The following STXBP5 variants were observed in gnomAD, a reference collection of about 807,000 sequenced individuals.
STXBP5 encodes the protein syntaxin binding protein 5.
STXBP5 carries 50 observed loss-of-function variants against 152.4 expected under a neutral mutation model. The observed-to-expected ratio is 0.33, with a 90% confidence interval of 0.26 to 0.42. STXBP5 has a LOEUF of 0.42. STXBP5 is among the 10% of genes least tolerant of loss of function. The probability of loss-of-function intolerance (pLI) is 1.00; values close to 1 mark genes in which losing one functional copy is unlikely to be tolerated. For synonymous variants in STXBP5, 492 were observed against 494.7 expected, an observed-to-expected ratio of 0.99 and a Z score of 0.07; for missense variants, 1,167 against 1,388.6, an observed-to-expected ratio of 0.84 and a Z score of 2.54.
At chr6:147,227,952 G>A (rs1044859837) in intron 2 of STXBP5, among the ~76,000 whole-genome samples, 6 of 152,062 alleles carry the variant, frequency 3.9e-5, no homozygotes, top group African/African-American at 1.2e-4. Flanking sequence ...AATGCCTCAG[G>A]CTTCTCAAGG....
intron 2 of STXBP5, among the ~76,000 whole-genome samples, chr6:147,225,276 CTTA>C (rs1308209392): frequency 1.3e-5 from 2 of 152,078 alleles, no homozygotes; most frequent in Non-Finnish European, 2.9e-5. Context: ...TATAGGATAA[CTTA>C]TTGTCATTTC....
intron 4 of STXBP5, among the ~76,000 whole-genome samples, chr6:147,241,182 A>G (rs941842782): frequency 1.3e-5 from 2 of 152,180 alleles, no homozygotes; most frequent in South Asian, 2.1e-4. Context: ...CATATACCTC[A>G]TATACCACCC....
intron 2 of STXBP5, among the ~76,000 whole-genome samples, chr6:147,216,349 G>A (rs1384715069): frequency 6.6e-6 from 1 of 152,044 alleles, no homozygotes; most frequent in African/African-American, 2.4e-5. Context: ...CTGAGACTGC[G>A]CCACTGCACT....
chr6:147,262,483 A>C lies in STXBP5; in HGVS notation c.630+130A>C, dbSNP rs1582859990. The C allele has an allele frequency of 6.4e-6, 3 of 470,668 alleles. No homozygotes were observed. The Admixed American group carries it at 1.2e-4, about 19-fold the overall frequency. 29.2% of individuals were successfully genotyped at this position (470,668 alleles called of 1,614,324 possible). A position where few individuals can be genotyped will look rare whatever the true frequency, so the allele number is the denominator to read the frequency against. On this transcript the variant is annotated intron_variant, in intron 6 of 27. Coordinates refer to ENST00000321680, the MANE Select transcript of STXBP5 (RefSeq NM_001127715.4). ...TGAAGGTTGTGTATCATATACAGTT[A>C]ATGCTTATTATTAATTATTAAGAAC...
chr6:147,275,989 A>G (rs1274369267), intron 7 of STXBP5, among the ~76,000 whole-genome samples: 1 of 152,112 alleles, frequency 6.6e-6, no homozygotes, highest in East Asian at 1.9e-4. Context: ...ATCTTCTCCC[A>G]TGAATTATTC....
At chr6:147,320,038 C>T (rs1038638657) in intron 16 of STXBP5, among the ~76,000 whole-genome samples, 1 of 151,636 alleles carries the variant, frequency 6.6e-6, no homozygotes, top group Non-Finnish European at 1.5e-5. Context: ...GATGGGTTTT[C>T]GGCATGTTAC....
chr6:147,216,901 C>T (rs1025873151), intron 2 of STXBP5, among the ~76,000 whole-genome samples: 6 of 152,188 alleles, frequency 3.9e-5, no homozygotes, highest in Non-Finnish European at 4.4e-5. Context: ...TCCTAGAACT[C>T]ACATGGTAGC....
At chr6:147,218,646 A>C (rs1365999256) in intron 2 of STXBP5, among the ~76,000 whole-genome samples, 1 of 151,986 alleles carries the variant, frequency 6.6e-6, no homozygotes, top group Non-Finnish European at 1.5e-5. Flanking sequence ...ACACCCAACT[A>C]ATTTTTAAAT....
intron 7 of STXBP5, among the ~76,000 whole-genome samples, chr6:147,275,861 A>G (rs1244794097): frequency 6.6e-6 from 1 of 151,938 alleles, no homozygotes; most frequent in Non-Finnish European, 1.5e-5. Context: ...CTGGCCATAA[A>G]CAAGTAAATA....
chr6:147,343,932 A>G (rs1784202791), intron 21 of STXBP5, among the ~76,000 whole-genome samples: 2 of 152,136 alleles, frequency 1.3e-5, no homozygotes, highest in Non-Finnish European at 2.9e-5. Context: ...TTTGAAAGGG[A>G]TGATTAGTAG....
rs1353817809 is a variant in STXBP5, at chr6:147,339,203, A to G, written c.2171A>G (p.Asp724Gly). The change falls in exon 20 of 28, where the codon GAT (aspartate) becomes GGT (glycine). Residue 724 changes from aspartate to glycine, a missense_variant. Coordinates refer to ENST00000321680, the MANE Select transcript of STXBP5 (RefSeq NM_001127715.4). The part of the protein sequence containing the change: ...TSGSSSPHNS[D>G]DEQKMNNFIE... ...GGTTCTTCATCACCACACAATTCAG[A>G]TGATGAACAAAAAATGAATAATTTT... 2.6e-6 allele frequency: 4 copies of G among 1,540,342 alleles called. No homozygotes were observed. The highest frequency in any genetic ancestry group is 3.5e-6 in the Non-Finnish European group (4 of 1,143,480).
chr6:147,367,204 A>G (rs949505141), intron 25 of STXBP5, among the ~76,000 whole-genome samples: 2 of 152,238 alleles, frequency 1.3e-5, no homozygotes, highest in Non-Finnish European at 2.9e-5. Context: ...ATTTGACATT[A>G]CAGAAGAAAA....
chr6:147,284,457 A>G (rs1479731639), intron 8 of STXBP5, among the ~76,000 whole-genome samples: 8 of 152,214 alleles, frequency 5.3e-5, no homozygotes, highest in Non-Finnish European at 1.2e-4. Context: ...AGAGCTCATC[A>G]TCAAGTGAAT....
In STXBP5 at chr6:147,386,559, A is replaced by T. The variant is rs570118905; in HGVS notation, c.*1804A>T. On this transcript the variant is annotated 3_prime_UTR_variant, in exon 28 of 28. Transcript: ENST00000321680. ...AAGCCAAAAGAAATATTTTTTAAAT[A>T]AGCCCTTTTCAAAAGTTTTTGAATT... The T allele has an allele frequency of 9.2e-5, 14 of 151,990 alleles. No homozygotes were observed. The South Asian group carries it at 2.9e-3, about 31-fold the overall frequency. 9.4% of individuals were successfully genotyped at this position (151,990 alleles called of 1,614,324 possible).
chr6:147,384,630 G>A, intron 27 of STXBP5, 84 bp from the exon 28 acceptor site: 2 of 1,405,512 alleles, frequency 1.4e-6, no homozygotes, highest in African/African-American at 1.4e-5. Context: ...ATGACATAAT[G>A]TTTTGGAAAA....
intron 23 of STXBP5, among the ~76,000 whole-genome samples, chr6:147,360,539 T>A (rs940775771): frequency 6.6e-6 from 1 of 152,176 alleles, no homozygotes; most frequent in Non-Finnish European, 1.5e-5. Context: ...AAATTTTTTT[T>A]AAAAGTTACA....
At chr6:147,213,477 T>TGTGTGTGTGTGCGCGCAC in intron 2 of STXBP5, among the ~76,000 whole-genome samples, 5 of 131,278 alleles carry the variant, frequency 3.8e-5, no homozygotes, top group Non-Finnish European at 7.9e-5. Context: ...TGTGTGTGTG[T>TGTGTGTGTGTGCGCGCAC]GCGCGCGCAT....
intron 21 of STXBP5, among the ~76,000 whole-genome samples, chr6:147,346,162 A>G (rs2128401897): frequency 6.6e-6 from 1 of 152,382 alleles, no homozygotes; most frequent in East Asian, 1.9e-4. Context: ...AGACATGAAC[A>G]GAAGTTTCTT....
intron 9 of STXBP5, among the ~76,000 whole-genome samples, chr6:147,297,091 A>G (rs1781563392): frequency 1.3e-5 from 2 of 152,156 alleles, no homozygotes; most frequent in African/African-American, 2.4e-5. Context: ...TGGGAGAGAT[A>G]TGTATATTCA....
Sources: allele counts gnomAD v4.1 joint callset (sites outside exome capture counted in the v4.1 genomes callset), GRCh38; gene constraint gnomAD v4.1.1; transcripts MANE v1.5; gene names NCBI Gene and HGNC (gene_info 2026-07-23, HGNC 2026-07-21).